The following GPC5 variants were observed in gnomAD, a reference collection of about 807,000 sequenced individuals.
The protein encoded by GPC5 is glypican 5.
In GPC5, 47 loss-of-function variants were observed where a neutral mutation model predicts 53.9. The ratio of observed to expected loss-of-function variants is 0.87; its 90% CI spans 0.69 to 1.11. The LOEUF is 1.11. Ranked by LOEUF, GPC5 falls within the 50% of genes most tolerant of loss-of-function variation. GPC5 has a pLI of 0.00. For synonymous variants in GPC5, 286 were observed against 263.3 expected, an observed-to-expected ratio of 1.09 and a Z score of -0.84; for missense variants, 748 against 713.1, an observed-to-expected ratio of 1.05 and a Z score of -0.56.
intron 7 of GPC5, among the ~76,000 whole-genome samples, chr13:92,217,583 G>A (rs35205260): frequency 0.21 from 31,662 of 152,130 alleles, 3,922 homozygotes; most frequent in South Asian, 0.43. Flanking sequence ...TGCCCATGCC[G>A]TATTCAGAGT....
At chr13:91,542,850 ATTTTTTTTTTTT>A (rs3055888) in intron 2 of GPC5, among the ~76,000 whole-genome samples, 1 of 68,210 alleles carries the variant, frequency 1.5e-5, no homozygotes, top group Non-Finnish European at 2.8e-5. Flanking sequence ...TGCCCAGCCA[ATTTTTTTTTTTT>A]TTTTTTTTTT....
intron 1 of GPC5, among the ~76,000 whole-genome samples, chr13:91,417,069 GA>G (rs1293293514): frequency 6.6e-6 from 1 of 152,182 alleles, no homozygotes; most frequent in Non-Finnish European, 1.5e-5. Context: ...GGATGGAGCA[GA>G]GGGGGGGAGT....
Position 91,399,245 on chromosome 13 carries a change from G to A in GPC5, c.163+36G>A, listed in dbSNP as rs201267564. On this transcript the variant is annotated intron_variant, in intron 1 of 7. Coordinates refer to ENST00000377067, the MANE Select transcript of GPC5 (RefSeq NM_004466.6). ...ATGAGGGGGTCTCTGGACTGGCGGC[G>A]TCCGAGCCCGGCCTTCGCTCCCCCA... is the stretch of plus-strand genomic sequence containing the variant. 2.4e-5 allele frequency: 39 copies of A among 1,595,942 alleles called. No homozygotes were observed. In the African/African-American group the frequency reaches 5.1e-4, roughly 21 times the overall value.
At chr13:92,356,245 G>A (rs117343428) in intron 7 of GPC5, among the ~76,000 whole-genome samples, 4,443 of 152,216 alleles carry the variant, frequency 0.029, 88 homozygotes, top group Non-Finnish European at 0.04. Flanking sequence ...GGTGTCCAGG[G>A]TGGCGGGAGA....
At chr13:92,742,886 A>G (rs1889141822) in intron 7 of GPC5, among the ~76,000 whole-genome samples, 2 of 152,090 alleles carry the variant, frequency 1.3e-5, no homozygotes. Flanking sequence ...AAGATCAGAT[A>G]GTTGTAGATG....
intron 1 of GPC5, among the ~76,000 whole-genome samples, chr13:91,434,044 G>A (rs1435992529): frequency 6.6e-6 from 1 of 152,056 alleles, no homozygotes; most frequent in Admixed American, 6.6e-5. Flanking sequence ...TTTTTGATGG[G>A]GTTGCTTGTT....
At chr13:92,297,742 A>T (rs1045723215) in intron 7 of GPC5, among the ~76,000 whole-genome samples, 104 of 152,172 alleles carry the variant, frequency 6.8e-4, no homozygotes, top group Non-Finnish European at 5.7e-4. Flanking sequence ...GGGGCCAGAT[A>T]AGAGAATAAA....
intron 2 of GPC5, among the ~76,000 whole-genome samples, chr13:91,598,823 G>A (rs2033083080): frequency 1.3e-5 from 2 of 151,890 alleles, no homozygotes; most frequent in African/African-American, 2.4e-5. Flanking sequence ...TGTATACTAG[G>A]GTATTGGTAG....
intron 2 of GPC5, among the ~76,000 whole-genome samples, chr13:91,545,221 AT>A (rs1427165470): frequency 2.0e-5 from 3 of 152,198 alleles, no homozygotes; most frequent in Admixed American, 1.3e-4. Context: ...AATTGTGGAC[AT>A]ATTTAAAAAC....
intron 7 of GPC5, among the ~76,000 whole-genome samples, chr13:92,328,805 T>C (rs1280990661): frequency 6.6e-6 from 1 of 152,142 alleles, no homozygotes; most frequent in Non-Finnish European, 1.5e-5. Context: ...TTGTGGTGTT[T>C]TCTGTATATT....
rs191104496 is a variant in GPC5 at position 92,321,376 on chromosome 13, G to A, written c.1561+176387G>A. Among the ~76,000 whole-genome samples, 133 of 152,294 alleles carry A rather than the reference G, an allele frequency of 8.7e-4. 1 individual carries two copies. The highest frequency in any genetic ancestry group is 2.8e-3 in the African/African-American group (116 of 41,584). Reference sequence around the variant, plus strand: ...GGGGAAGCCAAGGCGGGTGGATCACGAGGTCAGGAGAGCAAGACCATCCTG... The same window carrying A: ...GGGGAAGCCAAGGCGGGTGGATCACAAGGTCAGGAGAGCAAGACCATCCTG... On this transcript the variant is annotated intron_variant, in intron 7 of 7. Coordinates refer to ENST00000377067, the MANE Select transcript of GPC5 (RefSeq NM_004466.6).
At chr13:92,074,610 G>A (rs1483769260) in intron 6 of GPC5, among the ~76,000 whole-genome samples, 1 of 152,126 alleles carries the variant, frequency 6.6e-6, no homozygotes, top group Admixed American at 6.5e-5. Flanking sequence ...TAATTCATTG[G>A]TTTATTTTAA....
chr13:92,454,908 A>C (rs1878200775), intron 7 of GPC5, among the ~76,000 whole-genome samples: 1 of 152,230 alleles, frequency 6.6e-6, no homozygotes, highest in South Asian at 2.1e-4. Context: ...CAATGAGCTT[A>C]ATTCTGTTAT....
intron 7 of GPC5, among the ~76,000 whole-genome samples, chr13:92,486,724 G>C (rs1879568848): frequency 1.3e-5 from 2 of 152,156 alleles, no homozygotes; most frequent in African/African-American, 4.8e-5. Context: ...CAAAAAAATA[G>C]ACACGTGGCT....
rs542801988 is a variant in GPC5 at position 92,452,617 on chromosome 13, T to TAGTGC, written c.1561+307633_1561+307637dup. On this transcript the variant is annotated intron_variant, in intron 7 of 7. Transcript: ENST00000377067. ...AAGTCCCACTCTGTCGCCCAAGCTG[T>TAGTGC]AGTGCAGTGGCGCGATCTCAGCTCA... 3.3e-5 allele frequency among the ~76,000 whole-genome samples: 5 copies of TAGTGC among 152,030 alleles called. No homozygotes were observed. In the East Asian group the frequency reaches 9.7e-4, roughly 29 times the overall value.
rs148203341 is a variant in GPC5, at chr13:91,750,104, C to A, written c.1155-6191C>A. ...GGGATTGCAGGCGTGACCCACCATG[C>A]CTGGCCTGTATGGCTCATTTCTAAT... is the stretch of plus-strand genomic sequence containing the variant. On this transcript the variant is annotated intron_variant, in intron 4 of 7. Coordinates refer to ENST00000377067, the MANE Select transcript of GPC5 (RefSeq NM_004466.6). Among the ~76,000 whole-genome samples the A allele has an allele frequency of 8.0e-3, 1,212 of 152,302 alleles. 21 individuals carry two copies. The highest frequency in any genetic ancestry group is 0.028 in the African/African-American group (1,181 of 41,554).
intron 7 of GPC5, among the ~76,000 whole-genome samples, chr13:92,805,479 C>T (rs905786034): frequency 6.6e-6 from 1 of 151,988 alleles, no homozygotes; most frequent in Non-Finnish European, 1.5e-5. Context: ...TTCTGTCACC[C>T]TAGCTGGAGT....
At chr13:91,896,670 T>A (rs1159026512) in intron 5 of GPC5, among the ~76,000 whole-genome samples, 1 of 152,134 alleles carries the variant, frequency 6.6e-6, no homozygotes, top group East Asian at 1.9e-4. Context: ...ACCGGAAACT[T>A]CCATTCTATT....
intron 5 of GPC5, among the ~76,000 whole-genome samples, chr13:91,780,908 G>GC (rs966647603): frequency 1.3e-5 from 2 of 152,184 alleles, no homozygotes; most frequent in East Asian, 1.9e-4. Flanking sequence ...TTCACATGTA[G>GC]CCCCCCACTC....
Sources: allele counts gnomAD v4.1 joint callset (sites outside exome capture counted in the v4.1 genomes callset), GRCh38; gene constraint gnomAD v4.1.1; transcripts MANE v1.5; gene names NCBI Gene and HGNC (gene_info 2026-07-23, HGNC 2026-07-21).